Variants in EPHB1 observed in about 807,000 individuals in gnomAD.
The protein encoded by EPHB1 is EPH receptor B1.
In EPHB1, 30 loss-of-function variants were observed where a neutral mutation model predicts 94.4. The ratio of observed to expected loss-of-function variants is 0.32; its 90% CI spans 0.24 to 0.43. The LOEUF (loss-of-function observed/expected upper bound fraction) is 0.43, where lower values mean the gene tolerates loss of function less well. Ranked by LOEUF, EPHB1 falls within the 20% of genes least tolerant of loss-of-function variation. EPHB1 has a pLI of 1.00. For missense variants in EPHB1, 1,055 were observed against 1,308.3 expected, an observed-to-expected ratio of 0.81 and a Z score of 2.99; for synonymous variants, 522 against 489.1, an observed-to-expected ratio of 1.07 and a Z score of -0.89.
In EPHB1 at chr3:135,167,025, C is replaced by T. The variant is rs1166356331; in HGVS notation, c.1759+19C>T. 8 of 1,613,722 alleles carry T rather than the reference C, an allele frequency of 5.0e-6. No individual in the cohort carries two copies. The highest frequency in any genetic ancestry group is 6.8e-6 in the Non-Finnish European group (8 of 1,179,758). The stretch of plus-strand genomic sequence containing the variant: ...GGCCGAGGTAAGTAGAAAGCAGAGA[C>T]CCGGTGTCTGACCCCCACAGGCCAC... On this transcript the variant is annotated intron_variant, in intron 9 of 15. Coordinates refer to ENST00000398015, the MANE Select transcript of EPHB1 (RefSeq NM_004441.5).
At chr3:134,822,292 A>T (rs2036397169) in intron 1 of EPHB1, among the ~76,000 whole-genome samples, 1 of 152,188 alleles carries the variant, frequency 6.6e-6, no homozygotes, top group African/African-American at 2.4e-5. Context: ...GCTGCTGTCC[A>T]GGCATGGTCA....
chr3:134,854,747 A>T (rs72984043), intron 1 of EPHB1, among the ~76,000 whole-genome samples: 4,218 of 152,196 alleles, frequency 0.028, 186 homozygotes, highest in African/African-American at 0.097. Context: ...GGCCATAGAA[A>T]TTCAGTTGTT....
At chr3:134,823,596 C>T (rs1401348392) in intron 1 of EPHB1, among the ~76,000 whole-genome samples, 1 of 152,128 alleles carries the variant, frequency 6.6e-6, no homozygotes, top group African/African-American at 2.4e-5. Flanking sequence ...AAACCAAGGC[C>T]CAGCTTGGCA....
At chr3:135,170,743 T>C (rs1400508738) in intron 9 of EPHB1, among the ~76,000 whole-genome samples, 1 of 152,162 alleles carries the variant, frequency 6.6e-6, no homozygotes, top group African/African-American at 2.4e-5. Flanking sequence ...ATCTAAAAGG[T>C]GTTTACAAAG....
chr3:134,813,024 T>G (rs1473552256), intron 1 of EPHB1, among the ~76,000 whole-genome samples: 1 of 152,172 alleles, frequency 6.6e-6, no homozygotes, highest in Non-Finnish European at 1.5e-5. Flanking sequence ...ACAATTTGGG[T>G]TGCCCTGTTG....
intron 3 of EPHB1, among the ~76,000 whole-genome samples, chr3:134,984,095 G>A (rs906082769): frequency 1.2e-4 from 18 of 152,188 alleles, no homozygotes; most frequent in Admixed American, 1.2e-3. Context: ...TATTTTCACA[G>A]TAAAAGTCAC....
At chr3:134,816,756 C>T (rs755896821) in intron 1 of EPHB1, among the ~76,000 whole-genome samples, 42 of 151,804 alleles carry the variant, frequency 2.8e-4, no homozygotes, top group Non-Finnish European at 4.6e-4. Context: ...ACTTGGAGGG[C>T]CAATGTTCTA....
Position 135,166,001 on chromosome 3 carries a change from C to G in EPHB1, c.1619C>G (p.Pro540Arg). 1 of 1,613,960 alleles carries G rather than the reference C, an allele frequency of 6.2e-7. No homozygotes were observed. Among genetic ancestry groups the G allele is most frequent in the Non-Finnish European group, 8.5e-7 (1 of 1,179,870 alleles). The change falls in exon 8 of 16, where the codon CCC becomes CGC. Residue 540 changes from proline (P) to arginine (R), a missense_variant. Pro to Arg is a moderately radical substitution (Grantham distance 103, BLOSUM62 -2). Transcript: ENST00000398015. The part of the protein sequence containing the change: ...DYKSELREQL[P>R]LIAGSAAAGV... ...AAGTCAGAGCTGAGGGAGCAGCTGC[C>G]CCTGATTGCTGGCTCGGCAGCGGCC...
Position 135,162,130 on chromosome 3 carries a change from C to G in EPHB1, c.1535C>G (p.Ala512Gly), listed in dbSNP as rs2107698286. The G allele has an allele frequency of 6.2e-7, 1 of 1,611,678 alleles. No individual in the cohort carries two copies. Among genetic ancestry groups the G allele is most frequent in the Non-Finnish European group, 8.5e-7 (1 of 1,178,674 alleles). ...YVVQVRARTV[A>G]GYGKFSGKMC... ...GTACAGGTGCGTGCCCGCACTGTTGCTGGCTACGGCAAGTTCAGTGGCAAG... is the reference window on the plus strand; with the variant it reads ...GTACAGGTGCGTGCCCGCACTGTTGGTGGCTACGGCAAGTTCAGTGGCAAG... The change falls in exon 7 of 16, where the codon GCT becomes GGT. Residue 512 changes from alanine to glycine, a missense_variant. By Grantham distance (60) the Ala-to-Gly change is moderately conservative. Transcript: ENST00000398015.
chr3:135,250,134 A>G (rs1185426883), intron 15 of EPHB1, among the ~76,000 whole-genome samples: 1 of 152,184 alleles, frequency 6.6e-6, no homozygotes, highest in Non-Finnish European at 1.5e-5. Flanking sequence ...CCACTGTCAA[A>G]TAAATTTGGG....
intron 3 of EPHB1, among the ~76,000 whole-genome samples, chr3:134,986,744 A>ACACACACC (rs1553718460): frequency 1.3e-4 from 19 of 151,184 alleles, no homozygotes; most frequent in African/African-American, 4.6e-4. Context: ...ACACACACAC[A>ACACACACC]TCCCAAACAA....
At chr3:135,183,031 TTTC>T (rs1244442347) in intron 10 of EPHB1, among the ~76,000 whole-genome samples, 7,251 of 67,530 alleles carry the variant, frequency 0.11, 240 homozygotes, top group South Asian at 0.15. Flanking sequence ...TTTTCTTTTC[TTTC>T]TTTCTTTCTT....
intron 3 of EPHB1, among the ~76,000 whole-genome samples, chr3:135,097,940 T>C (rs1367861605): frequency 6.6e-6 from 1 of 152,192 alleles, no homozygotes; most frequent in Admixed American, 6.5e-5. Context: ...GTGCAATCTT[T>C]TCCCTTTGCC....
intron 12 of EPHB1, among the ~76,000 whole-genome samples, chr3:135,229,629 A>G (rs1943487076): frequency 1.3e-5 from 2 of 152,186 alleles, no homozygotes. Flanking sequence ...AGGACAATAG[A>G]AAACACCCCA....
At chr3:134,822,997 C>A (rs2036410600) in intron 1 of EPHB1, among the ~76,000 whole-genome samples, 2 of 152,174 alleles carry the variant, frequency 1.3e-5, no homozygotes, top group South Asian at 4.1e-4. Context: ...TAATGCTTAG[C>A]CTTTGGAGTT....
Position 134,914,956 on chromosome 3 carries a change from G to T in EPHB1, c.59-10860G>T, listed in dbSNP as rs1440527299. ...AGGGGCCCAGTGGATGCCTCTCTCT[G>T]CCCAGGACAGGGAAGAGAAGGGTAG... is the stretch of plus-strand genomic sequence containing the variant. On this transcript the variant is annotated intron_variant, in intron 1 of 15. Coordinates refer to ENST00000398015, the MANE Select transcript of EPHB1 (RefSeq NM_004441.5). Among the ~76,000 whole-genome samples the T allele has an allele frequency of 2.0e-5, 3 of 152,222 alleles. No homozygotes were observed. In the East Asian group the frequency reaches 5.8e-4, roughly 29 times the overall value.
chr3:135,248,261 G>T, intron 13 of EPHB1, 55 bp from the exon 14 acceptor site: 1 of 1,465,842 alleles, frequency 6.8e-7, no homozygotes, highest in Non-Finnish European at 9.2e-7. Flanking sequence ...TAATTTGTGA[G>T]TGACTGGCTG....
At chr3:134,902,555 T>A (rs1010049491) in intron 1 of EPHB1, among the ~76,000 whole-genome samples, 4 of 152,228 alleles carry the variant, frequency 2.6e-5, no homozygotes, top group Admixed American at 6.5e-5. Flanking sequence ...TAAACAATAT[T>A]TTAACAGATC....
intron 12 of EPHB1, among the ~76,000 whole-genome samples, chr3:135,234,445 A>G (rs761617029): frequency 3.3e-4 from 50 of 152,172 alleles, no homozygotes; most frequent in Non-Finnish European, 5.4e-4. Context: ...ACATTTTTGT[A>G]TCTTCTCCTG....
Sources: allele counts gnomAD v4.1 joint callset (sites outside exome capture counted in the v4.1 genomes callset), GRCh38; gene constraint gnomAD v4.1.1; transcripts MANE v1.5; gene names NCBI Gene and HGNC (gene_info 2026-07-23, HGNC 2026-07-21).